CELF6: variants seen among roughly 807,000 people sequenced by gnomAD.
CELF6 encodes CUGBP Elav-like family member 6, also known as Bruno -like 6, RNA binding protein.
Under a neutral mutation model 53.1 loss-of-function variants are expected in CELF6, and 32 were observed. The observed-to-expected ratio is 0.60, with a 90% CI of 0.46 to 0.81. The LOEUF is 0.81. Among genes scored for constraint, CELF6 ranks in the 30% least tolerant of loss-of-function variants. The pLI is 0.00. For synonymous variants in CELF6, 291 were observed against 288.8 expected (o/e 1.01, Z -0.08); for missense variants, 539 against 669.5 (o/e 0.81, Z 2.15).
At chr15:72,313,107 T>G (rs1201973370) in intron 2 of CELF6, among the ~76,000 whole-genome samples, 5 of 152,176 alleles carry the variant, frequency 3.3e-5, no homozygotes, top group Non-Finnish European at 7.3e-5. Flanking sequence ...GTCACCATTC[T>G]CTCTAGAACC....
At chr15:72,304,830 G>A in intron 2 of CELF6, 36 bp from the exon 3 acceptor site, 2 of 1,609,162 alleles carry the variant, frequency 1.2e-6, no homozygotes, top group Non-Finnish European at 8.5e-7. Context: ...CATTCAGCGT[G>A]ACTGCCTGGT....
chr15:72,314,589 G>GTTTTTT (rs984879836), intron 2 of CELF6, among the ~76,000 whole-genome samples: 8 of 97,838 alleles, frequency 8.2e-5, no homozygotes, highest in South Asian at 3.4e-4. Flanking sequence ...AAAACCCAGT[G>GTTTTTT]TTTTTTTTTT....
Position 72,289,540 on chromosome 15 carries a change from C to G in CELF6, c.748-33G>C. The G allele has an allele frequency of 6.7e-7, 1 of 1,495,930 alleles. No homozygotes were observed. Among genetic ancestry groups the G allele is most frequent in the South Asian group, 1.3e-5 (1 of 79,330 alleles). 92.7% of individuals were successfully genotyped at this position (1,495,930 alleles called of 1,614,324 possible). A position where few individuals can be genotyped will look rare whatever the true frequency, so the allele number is the denominator to read the frequency against. Reference sequence around the variant, plus strand: ...AGGAAAGATGGGCGAGAGTGGAGGGCCAAGGGGCAGGCAGCTGCCCGTGCT... The same window carrying G: ...AGGAAAGATGGGCGAGAGTGGAGGGGCAAGGGGCAGGCAGCTGCCCGTGCT... On this transcript the variant is annotated intron_variant, in intron 6 of 12. Transcript: ENST00000287202. This position sits in a 1 kb window ranked among gnomAD's most constrained non-coding sequence, Gnocchi z 7.6.
chr15:72,300,852 A>AAG (rs746595381), intron 3 of CELF6, among the ~76,000 whole-genome samples: 1 of 151,510 alleles, frequency 6.6e-6, no homozygotes. Context: ...AAAAAAAAAA[A>AAG]CTCATGTGTG....
chr15:72,307,451 T>A (rs1891931247), intron 2 of CELF6, among the ~76,000 whole-genome samples: 2 of 152,226 alleles, frequency 1.3e-5, no homozygotes, highest in African/African-American at 4.8e-5. Context: ...GAGGGGAAGA[T>A]AATGTTACCA....
chr15:72,316,300 T>G (rs2959919), intron 1 of CELF6, among the ~76,000 whole-genome samples: 4,832 of 152,274 alleles, frequency 0.032, 155 homozygotes, highest in African/African-American at 0.075. Flanking sequence ...CTTTTTGGAT[T>G]CAGACTCATG....
chr15:72,315,051 A>C (rs913445661), intron 2 of CELF6, among the ~76,000 whole-genome samples: 11 of 152,238 alleles, frequency 7.2e-5, no homozygotes, highest in African/African-American at 2.7e-4. Context: ...TCTTGTAGAC[A>C]AACGACTCTC....
rs1367460109 is a variant in CELF6 at position 72,285,154 on chromosome 15, C to T, written c.*1217G>A. The T allele has an allele frequency of 3.9e-5, 6 of 152,656 alleles. No homozygotes were observed. Among genetic ancestry groups the T allele is most frequent in the African/African-American group, 7.2e-5 (3 of 41,430 alleles). The allele number at this position is 152,656 out of a possible 1,614,324, so 9.5% of individuals were successfully genotyped here. On this transcript the variant is annotated 3_prime_UTR_variant, in exon 13 of 13. Transcript: ENST00000287202. ...CACTGCTCACCAACTAGAAGCACCT[C>T]GGTTAAGCACATGTGAGACACTCTT... is the stretch of plus-strand genomic sequence containing the variant.
intron 1 of CELF6, 33 bp from the exon 2 acceptor site, chr15:72,315,960 C>G (rs2088358763): frequency 3.5e-6 from 5 of 1,413,670 alleles, no homozygotes; most frequent in Non-Finnish European, 3.9e-6. Flanking sequence ...AGGGGGTTTC[C>G]TGAAACCCCC....
chr15:72,308,305 C>T (rs554635018), intron 2 of CELF6, among the ~76,000 whole-genome samples: 6 of 152,148 alleles, frequency 3.9e-5, no homozygotes, highest in South Asian at 2.1e-4. Context: ...CTCGCCTCAC[C>T]GAAACCTCTG....
chr15:72,297,882 T>C (rs1007271312), intron 3 of CELF6, among the ~76,000 whole-genome samples: 1 of 152,228 alleles, frequency 6.6e-6, no homozygotes, highest in Non-Finnish European at 1.5e-5. Context: ...CAGCTTTGGG[T>C]GATCTGCTCT....
At chr15:72,304,848 C>A (rs2088206371) in intron 2 of CELF6, 54 bp from the exon 3 acceptor site, 3 of 1,568,986 alleles carry the variant, frequency 1.9e-6, no homozygotes, top group East Asian at 2.2e-5. Context: ...GGTCCTGGAG[C>A]CCCCAGCTTC....
rs145310441 is a variant in CELF6 at position 72,294,602 on chromosome 15, A to G, written c.395-4347T>C. Among the ~76,000 whole-genome samples the G allele has an allele frequency of 2.6e-5, 4 of 152,372 alleles. No homozygotes were observed. The East Asian group carries it at 7.7e-4, about 29-fold the overall frequency. On this transcript the variant is annotated intron_variant, in intron 3 of 12. Coordinates refer to ENST00000287202, the MANE Select transcript of CELF6 (RefSeq NM_052840.5). Reference sequence around the variant, plus strand: ...GTTAGAACAAATAACCCAATTCAGCAAAGTTGCAAGAAATAAAATTGACAC... The same window carrying G: ...GTTAGAACAAATAACCCAATTCAGCGAAGTTGCAAGAAATAAAATTGACAC...
Position 72,319,948 on chromosome 15 carries a change from G to T in CELF6, c.-74C>A. On this transcript the variant is annotated 5_prime_UTR_variant, in exon 1 of 13. Coordinates refer to ENST00000287202, the MANE Select transcript of CELF6 (RefSeq NM_052840.5). The surrounding 1 kb of genome is among the most constrained non-coding windows in gnomAD (Gnocchi z 5.0). The stretch of plus-strand genomic sequence containing the variant: ...CCGCCGTCCCCTCCCTGGACCGGTG[G>T]CGAGGGCCAGGGGGAGGGGGCGGAG... 7.2e-7 allele frequency: 1 copy of T among 1,382,590 alleles called. No individual in the cohort carries two copies. The highest frequency in any genetic ancestry group is 9.3e-7 in the Non-Finnish European group (1 of 1,075,486). 85.6% of individuals were successfully genotyped at this position (1,382,590 alleles called of 1,614,324 possible). A position where few individuals can be genotyped will look rare whatever the true frequency, so the allele number is the denominator to read the frequency against.
At chr15:72,314,469 C>A (rs1216496872) in intron 2 of CELF6, among the ~76,000 whole-genome samples, 1 of 151,994 alleles carries the variant, frequency 6.6e-6, no homozygotes, top group Non-Finnish European at 1.5e-5. Context: ...TTAGTATAAC[C>A]CACTCCTCAT....
chr15:72,293,033 T>C (rs190207741), intron 3 of CELF6, among the ~76,000 whole-genome samples: 2 of 151,830 alleles, frequency 1.3e-5, no homozygotes, highest in African/African-American at 4.8e-5. Flanking sequence ...ACTAAAAAAA[T>C]TTTTTTTTCC....
At chr15:72,306,473 C>A (rs2088231329) in intron 2 of CELF6, among the ~76,000 whole-genome samples, 1 of 149,188 alleles carries the variant, frequency 6.7e-6, no homozygotes, top group Non-Finnish European at 1.5e-5. Context: ...TACCCAGTAA[C>A]CATGGTAACG....
At position 72,288,606 on chromosome 15, in the gene CELF6, G is replaced by C. The variant is rs780863728; in HGVS notation, c.1106C>G (p.Ser369Trp). ...GMHHYAAAYPSAYAPVSTAFP... is the reference protein window; with the variant it reads ...GMHHYAAAYPWAYAPVSTAFP... ...AGCTGTGCTCACTGGGGCATAGGCC[G>C]ACGGATAGGCTGCTGGAGACAGAGG... is the stretch of plus-strand genomic sequence containing the variant. The change falls in exon 10 of 13, where the codon TCG becomes TGG. Residue 369 changes from serine (S) to tryptophan (W), a missense_variant. By Grantham distance (177) the Ser-to-Trp change is radical. Coordinates refer to ENST00000287202, the MANE Select transcript of CELF6 (RefSeq NM_052840.5). The surrounding 1 kb of genome is among the most constrained non-coding windows in gnomAD (Gnocchi z 4.6). 1.7e-5 allele frequency: 26 copies of C among 1,563,522 alleles called. No individual in the cohort carries two copies. The highest frequency in any genetic ancestry group is 2.1e-5 in the Non-Finnish European group (24 of 1,154,532).
chr15:72,315,527 C>G (rs776601643), intron 2 of CELF6, among the ~76,000 whole-genome samples: 4 of 152,182 alleles, frequency 2.6e-5, no homozygotes, highest in Admixed American at 6.5e-5. Context: ...CATACATGCT[C>G]ACACCAGTGA....
Sources: gnomAD v4.1 joint callset for allele counts (sites outside exome capture counted in the v4.1 genomes callset) on GRCh38, gnomAD v4.1.1 for gene constraint, Gnocchi (gnomAD v3.1) non-coding constraint, MANE v1.5 for transcripts, NCBI Gene and HGNC (gene_info 2026-07-23, HGNC 2026-07-21) for gene names.